The following OSBPL3 variants were observed in gnomAD, a reference collection of about 807,000 sequenced individuals.
OSBPL3 encodes the protein oxysterol binding protein like 3.
A neutral mutation model predicts 120.1 loss-of-function variants in OSBPL3; 65 were observed. The ratio of observed to expected loss-of-function variants is 0.54; its 90% confidence interval spans 0.44 to 0.67. OSBPL3 has a LOEUF of 0.67. Among genes scored for constraint, OSBPL3 ranks in the 30% least tolerant of loss-of-function variants. OSBPL3 has a pLI of 0.00. For synonymous variants in OSBPL3, 416 were observed against 402.6 expected, an observed-to-expected ratio of 1.03 and a Z score of -0.40; for missense variants, 1,004 against 1,082.1, an observed-to-expected ratio of 0.93 and a Z score of 1.01.
chr7:24,842,212 G>C (rs1797864237), intron 13 of OSBPL3, 67 bp downstream of exon 13: 17 of 1,508,662 alleles, frequency 1.1e-5, no homozygotes, highest in Admixed American at 1.1e-4. Flanking sequence ...ATTATTTACT[G>C]AACAGATTAA....
rs1315121459 is a variant in OSBPL3, at chr7:24,883,347, C to A, written c.96+9030G>T. ...TACTTCTTGCACTGTCACTTCTGGACCTTTAGTATTTTAATATTATCAAAT... is the reference window on the plus strand; with the variant it reads ...TACTTCTTGCACTGTCACTTCTGGAACTTTAGTATTTTAATATTATCAAAT... On this transcript the variant is annotated intron_variant, in intron 2 of 22. Coordinates refer to ENST00000313367, the MANE Select transcript of OSBPL3 (RefSeq NM_015550.4). This position sits in a 1 kb window ranked among gnomAD's most constrained non-coding sequence, Gnocchi z 5.4. Among the ~76,000 whole-genome samples the A allele has an allele frequency of 6.6e-6, 1 of 152,106 alleles. No individual in the cohort carries two copies. Among genetic ancestry groups the A allele is most frequent in the African/African-American group, 2.4e-5 (1 of 41,416 alleles).
chr7:24,816,972 T>C (rs1429225341), intron 17 of OSBPL3, among the ~76,000 whole-genome samples: 1 of 152,166 alleles, frequency 6.6e-6, no homozygotes, highest in Non-Finnish European at 1.5e-5. Context: ...CTGAGTGTGT[T>C]ATAAGGTAAA....
rs185233495 is a variant in OSBPL3, at chr7:24,885,062, T to C, written c.96+7315A>G. ...ACTTTGGTAGGCCGAAGGGGGTGGA[T>C]CACCTGAGGGCATGGTGGTACTACA... On this transcript the variant is annotated intron_variant, in intron 2 of 22. Transcript: ENST00000313367. 7.8e-4 allele frequency among the ~76,000 whole-genome samples: 118 copies of C among 151,884 alleles called. 1 individual carries two copies. Among genetic ancestry groups the C allele is most frequent in the African/African-American group, 2.7e-3 (114 of 41,462 alleles).
At position 24,940,888 on chromosome 7, in the gene OSBPL3, C is replaced by T. The variant is rs1172651659; in HGVS notation, c.-150+38998G>A. On this transcript the variant is annotated intron_variant, in intron 1 of 22. Coordinates refer to ENST00000313367, the MANE Select transcript of OSBPL3 (RefSeq NM_015550.4). This position sits in a 1 kb window ranked among gnomAD's most constrained non-coding sequence, Gnocchi z 4.4. Reference sequence around the variant, plus strand: ...AGGCTGGAGTGCACTGGCGCGATCTCGGCTCACTGCAAGCTCTGCCTCCCG... The same window carrying T: ...AGGCTGGAGTGCACTGGCGCGATCTTGGCTCACTGCAAGCTCTGCCTCCCG... Among the ~76,000 whole-genome samples the T allele has an allele frequency of 1.3e-5, 2 of 151,290 alleles. No homozygotes were observed. Among genetic ancestry groups the T allele is most frequent in the Non-Finnish European group, 1.5e-5 (1 of 67,898 alleles).
At chr7:24,904,022 G>T (rs1009670930) in intron 1 of OSBPL3, among the ~76,000 whole-genome samples, 1 of 151,830 alleles carries the variant, frequency 6.6e-6, no homozygotes, top group African/African-American at 2.4e-5. Context: ...AGCGGAGATT[G>T]CAGGTATATG....
chr7:24,975,359 G>C (rs1335590655), intron 1 of OSBPL3, among the ~76,000 whole-genome samples: 1 of 152,128 alleles, frequency 6.6e-6, no homozygotes, highest in Admixed American at 6.6e-5. Context: ...AATGATGATG[G>C]CATATTCTAT....
At chr7:24,807,817 A>T (rs116582809) in intron 20 of OSBPL3, among the ~76,000 whole-genome samples, 1 of 152,214 alleles carries the variant, frequency 6.6e-6, no homozygotes, top group African/African-American at 2.4e-5. Context: ...TATAAATCCA[A>T]TGTAGACTAC....
intron 1 of OSBPL3, among the ~76,000 whole-genome samples, chr7:24,910,147 C>G (rs1259403249): frequency 6.6e-6 from 1 of 152,126 alleles, no homozygotes; most frequent in Admixed American, 6.5e-5. Context: ...ATTACCCTGG[C>G]CTGAAATAAT....
At chr7:24,907,466 T>G (rs1808105957) in intron 1 of OSBPL3, among the ~76,000 whole-genome samples, 1 of 152,244 alleles carries the variant, frequency 6.6e-6, no homozygotes, top group Admixed American at 6.5e-5. Context: ...AAATAATGCA[T>G]GTAAAACACT....
chr7:24,952,014 G>C lies in OSBPL3; in HGVS notation c.-150+27872C>G, dbSNP rs1284001487. Among the ~76,000 whole-genome samples the C allele has an allele frequency of 1.3e-5, 2 of 152,082 alleles. No individual in the cohort carries two copies. Among genetic ancestry groups the C allele is most frequent in the Non-Finnish European group, 2.9e-5 (2 of 68,030 alleles). On this transcript the variant is annotated intron_variant, in intron 1 of 22. Transcript: ENST00000313367. The surrounding 1 kb of genome is among the most constrained non-coding windows in gnomAD (Gnocchi z 4.4). ...TACTGTTGACAGCAACACTTCTTGG[G>C]GATATTATTAACTGGATTATAACAT...
intron 16 of OSBPL3, among the ~76,000 whole-genome samples, chr7:24,825,373 C>A (rs941941890): frequency 1.3e-5 from 2 of 152,142 alleles, no homozygotes; most frequent in East Asian, 1.9e-4. Flanking sequence ...AGGATGATGC[C>A]AAGAATTCTG....
Position 24,834,328 on chromosome 7 carries a change from G to T in OSBPL3, c.1746+158C>A. 3 of 1,469,378 alleles carry T rather than the reference G, an allele frequency of 2.0e-6. No homozygotes were observed. The highest frequency in any genetic ancestry group is 2.7e-6 in the Non-Finnish European group (3 of 1,109,004). The allele number at this position is 1,469,378 out of a possible 1,614,324, so 91.0% of individuals were successfully genotyped here. ...TCACAAGGTGACTGGAAACAGCCAG[G>T]CGGAGGAAGCCAGACAGCTCTGAGT... On this transcript the variant is annotated intron_variant, in intron 15 of 22. Transcript: ENST00000313367. This position sits in a 1 kb window ranked among gnomAD's most constrained non-coding sequence, Gnocchi z 5.2.
intron 1 of OSBPL3, among the ~76,000 whole-genome samples, chr7:24,915,266 T>C (rs1809382517): frequency 6.6e-6 from 1 of 152,154 alleles, no homozygotes; most frequent in East Asian, 1.9e-4. Flanking sequence ...TGTAAGTTTT[T>C]CCATAATCTG....
chr7:24,950,088 T>A (rs1814210898), intron 1 of OSBPL3, among the ~76,000 whole-genome samples: 1 of 152,230 alleles, frequency 6.6e-6, no homozygotes, highest in Non-Finnish European at 1.5e-5. Flanking sequence ...AGCCAGGTCA[T>A]AAAAAGTATT....
intron 1 of OSBPL3, among the ~76,000 whole-genome samples, chr7:24,961,552 G>T (rs540669465): frequency 6.6e-6 from 1 of 152,262 alleles, no homozygotes; most frequent in South Asian, 2.1e-4. Context: ...CCAGAGAGCT[G>T]CCATGCCCCA....
chr7:24,866,967 A>AT (rs1331771180), intron 5 of OSBPL3, among the ~76,000 whole-genome samples: 18 of 152,044 alleles, frequency 1.2e-4, no homozygotes, highest in African/African-American at 9.6e-5. Flanking sequence ...TGCCCAGCTA[A>AT]TTTTTTGTAT....
intron 1 of OSBPL3, among the ~76,000 whole-genome samples, chr7:24,976,026 G>C (rs1817547976): frequency 6.6e-6 from 1 of 152,204 alleles, no homozygotes; most frequent in Non-Finnish European, 1.5e-5. Flanking sequence ...CAGTCTGCTG[G>C]ATCGTGACTT....
chr7:24,890,299 T>C (rs867713414), intron 2 of OSBPL3, among the ~76,000 whole-genome samples: 8 of 152,348 alleles, frequency 5.3e-5, no homozygotes, highest in South Asian at 4.1e-4. Context: ...AAGTTTTAAG[T>C]GTTTAACTGG....
intron 2 of OSBPL3, among the ~76,000 whole-genome samples, chr7:24,885,635 C>G (rs1804411634): frequency 6.6e-6 from 1 of 152,244 alleles, no homozygotes; most frequent in African/African-American, 2.4e-5. Flanking sequence ...TTGCTAACTT[C>G]TATGCCAAAT....
Sources: allele counts gnomAD v4.1 joint callset (sites outside exome capture counted in the v4.1 genomes callset), GRCh38; gene constraint gnomAD v4.1.1; non-coding constraint Gnocchi (gnomAD v3.1); transcripts MANE v1.5; gene names NCBI Gene and HGNC (gene_info 2026-07-23, HGNC 2026-07-21).